Variants in LHFPL3 observed in about 807,000 individuals in gnomAD.
LHFPL3 encodes LHFPL tetraspan subfamily member 3, also known as LHFPL tetraspan subfamily member 3 protein.
In LHFPL3, 5 loss-of-function variants were observed where a neutral mutation model predicts 19.3. The observed-to-expected ratio is 0.26, with a 90% CI of 0.14 to 0.54. The LOEUF (loss-of-function observed/expected upper bound fraction) is 0.54, where lower values mean the gene tolerates loss of function less well. Ranked by LOEUF, LHFPL3 falls within the 20% of genes least tolerant of loss-of-function variation. LHFPL3 has a pLI of 0.94. For synonymous variants in LHFPL3, 133 were observed against 126.2 expected (o/e 1.05, Z -0.36); for missense variants, 249 against 307.4 (o/e 0.81, Z 1.42).
At chr7:104,667,981 G>C in intron 1 of LHFPL3, 2 of 1,613,418 alleles carry the variant, frequency 1.2e-6, no homozygotes, top group East Asian at 2.2e-5. Flanking sequence ...ACTGCTCCAC[G>C]GGCTGCTCGG....
At chr7:104,686,771 T>C (rs1158613596) in intron 1 of LHFPL3, among the ~76,000 whole-genome samples, 1 of 152,172 alleles carries the variant, frequency 6.6e-6, no homozygotes, top group Non-Finnish European at 1.5e-5. Context: ...GACTGGGTAA[T>C]TTATAAAGGA....
chr7:104,330,915 C>T (rs1801556070), intron 1 of LHFPL3, among the ~76,000 whole-genome samples: 1 of 152,162 alleles, frequency 6.6e-6, no homozygotes, highest in Non-Finnish European at 1.5e-5. Context: ...AGAATTGACC[C>T]TGCACAGCTA....
At chr7:104,380,627 T>A (rs1177569549) in intron 1 of LHFPL3, among the ~76,000 whole-genome samples, 2 of 152,114 alleles carry the variant, frequency 1.3e-5, no homozygotes, top group Non-Finnish European at 2.9e-5. Context: ...GAAAAAAGTT[T>A]CCTACAAAAG....
In LHFPL3 at chr7:104,460,198, G is replaced by T. The variant is rs574537849; in HGVS notation, c.445+130974G>T. ...CATTATCTCATTCTTTTTTATGACT[G>T]CATAGTATTCCACAGTGAATATGTA... is the stretch of plus-strand genomic sequence containing the variant. On this transcript the variant is annotated intron_variant, in intron 1 of 2. Transcript: ENST00000424859. Among the ~76,000 whole-genome samples the T allele has an allele frequency of 3.3e-5, 5 of 152,218 alleles. No individual in the cohort carries two copies. The East Asian group carries it at 9.6e-4, about 29-fold the overall frequency.
intron 1 of LHFPL3, among the ~76,000 whole-genome samples, chr7:104,363,001 A>G (rs1308783292): frequency 6.6e-6 from 1 of 152,254 alleles, no homozygotes; most frequent in Non-Finnish European, 1.5e-5. Flanking sequence ...TGTTCTCTAT[A>G]GGAACAATTG....
intron 1 of LHFPL3, among the ~76,000 whole-genome samples, chr7:104,454,121 A>G (rs1028265706): frequency 6.6e-6 from 1 of 152,168 alleles, no homozygotes; most frequent in Non-Finnish European, 1.5e-5. Flanking sequence ...CATTCTCAGG[A>G]ATAGGGAAGC....
chr7:104,813,863 A>G (rs1790519210), intron 2 of LHFPL3, among the ~76,000 whole-genome samples: 1 of 152,168 alleles, frequency 6.6e-6, no homozygotes, highest in Non-Finnish European at 1.5e-5. Context: ...TGACTTGGGG[A>G]GCTCCCAGGT....
chr7:104,483,922 C>G (rs1793187434), intron 1 of LHFPL3, among the ~76,000 whole-genome samples: 4 of 152,166 alleles, frequency 2.6e-5, no homozygotes, highest in African/African-American at 9.7e-5. Flanking sequence ...ACCACATGTC[C>G]AGCCAACATG....
chr7:104,718,480 G>A (rs1793432036), intron 1 of LHFPL3, among the ~76,000 whole-genome samples: 1 of 152,130 alleles, frequency 6.6e-6, no homozygotes, highest in South Asian at 2.1e-4. Flanking sequence ...AAATTGTAAT[G>A]CTGGTAGTCA....
chr7:104,722,768 T>C (rs932878858), intron 1 of LHFPL3, among the ~76,000 whole-genome samples: 32 of 152,168 alleles, frequency 2.1e-4, no homozygotes, highest in African/African-American at 7.7e-4. Flanking sequence ...CTTCAACTAC[T>C]GTATGCCTGA....
At position 104,641,366 on chromosome 7, in the gene LHFPL3, A is replaced by G. The variant is rs188375089; in HGVS notation, c.446-95309A>G. Reference sequence around the variant, plus strand: ...GTCTGCTCGCTCCCTTGCTTAATGCACTGTGGAGAACATAACATGCTCAGT... The same window carrying G: ...GTCTGCTCGCTCCCTTGCTTAATGCGCTGTGGAGAACATAACATGCTCAGT... On this transcript the variant is annotated intron_variant, in intron 1 of 2. Coordinates refer to ENST00000424859, the MANE Select transcript of LHFPL3 (RefSeq NM_199000.3). 2.6e-3 allele frequency among the ~76,000 whole-genome samples: 401 copies of G among 152,330 alleles called. 2 individuals carry two copies. Among genetic ancestry groups the G allele is most frequent in the African/African-American group, 9.3e-3 (385 of 41,576 alleles).
intron 1 of LHFPL3, among the ~76,000 whole-genome samples, chr7:104,411,527 C>A (rs997348276): frequency 6.6e-6 from 1 of 152,106 alleles, no homozygotes; most frequent in Non-Finnish European, 1.5e-5. Flanking sequence ...GGGCCCTACC[C>A]TTCTTCCTCC....
At chr7:104,610,727 A>G (rs1791197625) in intron 1 of LHFPL3, among the ~76,000 whole-genome samples, 4 of 152,360 alleles carry the variant, frequency 2.6e-5, no homozygotes, top group African/African-American at 9.6e-5. Flanking sequence ...GGGGAGAACA[A>G]TCTGCTTTAC....
At chr7:104,511,062 AAAAG>A (rs770768558) in intron 1 of LHFPL3, among the ~76,000 whole-genome samples, 97 of 152,292 alleles carry the variant, frequency 6.4e-4, no homozygotes, top group Admixed American at 1.9e-3. Flanking sequence ...TAAAAGTTAA[AAAAG>A]AAAGAAAGAA....
intron 2 of LHFPL3, among the ~76,000 whole-genome samples, chr7:104,882,217 C>G (rs1384713020): frequency 6.6e-6 from 1 of 152,112 alleles, no homozygotes; most frequent in African/African-American, 2.4e-5. Context: ...AATCCAACCA[C>G]TAAGCACTAC....
rs546165549 is a variant in LHFPL3 at position 104,684,236 on chromosome 7, C to T, written c.446-52439C>T. Reference sequence around the variant, plus strand: ...AGGGAGGATTATGGGTGCCCCAACCCCTGGCCCAACCACCACCTCCAATGT... The same window carrying T: ...AGGGAGGATTATGGGTGCCCCAACCTCTGGCCCAACCACCACCTCCAATGT... On this transcript the variant is annotated intron_variant, in intron 1 of 2. Coordinates refer to ENST00000424859, the MANE Select transcript of LHFPL3 (RefSeq NM_199000.3). Among the ~76,000 whole-genome samples the T allele has an allele frequency of 9.8e-5, 15 of 152,342 alleles. No individual in the cohort carries two copies. The South Asian group carries it at 2.9e-3, about 29-fold the overall frequency.
chr7:104,453,296 G>A (rs1562902116), intron 1 of LHFPL3, among the ~76,000 whole-genome samples: 1 of 151,122 alleles, frequency 6.6e-6, no homozygotes, highest in Non-Finnish European at 1.5e-5. Flanking sequence ...TAAGCACTAG[G>A]GGGAGATGGC....
intron 1 of LHFPL3, among the ~76,000 whole-genome samples, chr7:104,637,187 G>A (rs1791744352): frequency 3.9e-5 from 6 of 152,042 alleles, no homozygotes; most frequent in Admixed American, 3.9e-4. Context: ...GTCTTCTTTT[G>A]AAAAGTGTTC....
intron 1 of LHFPL3, among the ~76,000 whole-genome samples, chr7:104,426,388 C>T (rs1791846810): frequency 6.6e-6 from 1 of 152,136 alleles, no homozygotes; most frequent in Non-Finnish European, 1.5e-5. Context: ...TCCCTAGTAG[C>T]TGGGATTACA....
Sources: gnomAD v4.1 joint callset for allele counts (sites outside exome capture counted in the v4.1 genomes callset) on GRCh38, gnomAD v4.1.1 for gene constraint, MANE v1.5 for transcripts, NCBI Gene and HGNC (gene_info 2026-07-23, HGNC 2026-07-21) for gene names.